MTMR14: variants seen among roughly 807,000 people sequenced by gnomAD.
MTMR14 encodes the protein phosphatidylinositol-3,5-bisphosphate 3-phosphatase MTMR14.
Under a neutral mutation model 86.3 loss-of-function variants are expected in MTMR14, and 48 were observed. That is an observed-to-expected ratio of 0.56 (90% CI 0.44 to 0.71). The LOEUF (loss-of-function observed/expected upper bound fraction) is 0.71, where lower values mean the gene tolerates loss of function less well. Ranked by LOEUF, MTMR14 falls within the 30% of genes least tolerant of loss-of-function variation. MTMR14 has a pLI of 0.00. For synonymous variants in MTMR14, 366 were observed against 326.1 expected (o/e 1.12, Z -1.32); for missense variants, 780 against 834.6 (o/e 0.93, Z 0.81).
chr3:9,662,927 T>C (rs914245008), intron 3 of MTMR14, among the ~76,000 whole-genome samples: 3 of 152,214 alleles, frequency 2.0e-5, no homozygotes, highest in Non-Finnish European at 4.4e-5. Flanking sequence ...TTTATCTATC[T>C]TTTGGTGTAC....
intron 3 of MTMR14, among the ~76,000 whole-genome samples, chr3:9,666,100 C>T (rs1212781127): frequency 6.7e-6 from 1 of 149,212 alleles, no homozygotes; most frequent in East Asian, 2.0e-4. Flanking sequence ...TGAAATGAGT[C>T]CACGTTTCCC....
intron 7 of MTMR14, among the ~76,000 whole-genome samples, chr3:9,674,609 C>T (rs2125165623): frequency 1.3e-5 from 2 of 151,770 alleles, no homozygotes; most frequent in Middle Eastern, 7.0e-3. Flanking sequence ...GAAACAGCGA[C>T]ACTCTGTCTC....
intron 6 of MTMR14, among the ~76,000 whole-genome samples, chr3:9,671,735 CAT>C (rs1347564704): frequency 1.3e-5 from 2 of 152,172 alleles, no homozygotes; most frequent in Non-Finnish European, 2.9e-5. Context: ...AAAAATAACA[CAT>C]ATGGACCAAA....
intron 1 of MTMR14, among the ~76,000 whole-genome samples, chr3:9,653,336 G>A (rs537674052): frequency 6.6e-6 from 1 of 152,198 alleles, no homozygotes. Context: ...ATGGGTTGTA[G>A]ACCTCTTTGA....
intron 9 of MTMR14, among the ~76,000 whole-genome samples, chr3:9,679,705 C>T (rs1474630538): frequency 6.6e-6 from 1 of 152,198 alleles, no homozygotes; most frequent in African/African-American, 2.4e-5. Flanking sequence ...GTACCTATTT[C>T]AGAGTTGTGC....
At chr3:9,680,493 C>T (rs1348147925) in intron 9 of MTMR14, among the ~76,000 whole-genome samples, 1 of 152,248 alleles carries the variant, frequency 6.6e-6, no homozygotes, top group Non-Finnish European at 1.5e-5. Context: ...AGAACTTGTA[C>T]ATGGCCTACC....
chr3:9,676,334 G>C (rs1191307041), intron 7 of MTMR14, among the ~76,000 whole-genome samples: 1 of 152,242 alleles, frequency 6.6e-6, no homozygotes, highest in African/African-American at 2.4e-5. Context: ...GATGCTCTCT[G>C]TGCTATAGTC....
chr3:9,664,108 G>A (rs1433890426), intron 3 of MTMR14, among the ~76,000 whole-genome samples: 1 of 151,842 alleles, frequency 6.6e-6, no homozygotes, highest in Non-Finnish European at 1.5e-5. Context: ...ATTTGAAAGA[G>A]TACCACCCTG....
intron 18 of MTMR14, among the ~76,000 whole-genome samples, chr3:9,698,286 G>T (rs1227932592): frequency 2.6e-5 from 4 of 152,048 alleles, no homozygotes; most frequent in Non-Finnish European, 5.9e-5. Context: ...AGAACCTAGG[G>T]TTACTTGCTG....
chr3:9,700,626 C>G (rs2076424998), intron 18 of MTMR14: 1 of 152,210 alleles, frequency 6.6e-6, no homozygotes, highest in African/African-American at 2.4e-5. Context: ...GAACACAGAT[C>G]TTTCTGGAAA....
chr3:9,683,204 A>G lies in MTMR14; in HGVS notation c.924A>G (p.Gln308=). 2 of 1,614,232 alleles carry G rather than the reference A, an allele frequency of 1.2e-6. No homozygotes were observed. Among genetic ancestry groups the G allele is most frequent in the Admixed American group, 3.3e-5 (2 of 60,030 alleles). The change falls in exon 10 of 19, where the codon CAA becomes CAG. Residue 308 remains glutamine (Q), a synonymous_variant. Coordinates refer to ENST00000296003, the MANE Select transcript of MTMR14 (RefSeq NM_001077525.3). The part of the protein sequence containing the change: ...YQCWDLVQQT[Q]NYLKLLLSLV... ...GTTGGGATCTGGTGCAACAAACACA[A>G]AACTACCTGAAGCTGCTGCTTTCCT... is the stretch of plus-strand genomic sequence containing the variant.
At chr3:9,684,329 C>T (rs1244397706) in intron 10 of MTMR14, among the ~76,000 whole-genome samples, 10 of 152,132 alleles carry the variant, frequency 6.6e-5, no homozygotes, top group Admixed American at 6.5e-5. Context: ...GCAAAGTGGA[C>T]TGTGTAGGCT....
chr3:9,669,350 G>A, intron 4 of MTMR14, 82 bp from the exon 5 acceptor site: 2 of 1,431,656 alleles, frequency 1.4e-6, no homozygotes, highest in Non-Finnish European at 1.9e-6. Context: ...TTGGCACTAT[G>A]GGGAAGGAGG....
At chr3:9,670,989 C>G in intron 5 of MTMR14, 59 bp from the exon 6 acceptor site, 1 of 1,610,638 alleles carries the variant, frequency 6.2e-7, no homozygotes, top group South Asian at 1.1e-5. Context: ...GAGTGCCCAC[C>G]CCCAAGCTCC....
intron 15 of MTMR14, 89 bp downstream of exon 15, chr3:9,688,843 TTG>T: frequency 6.2e-7 from 1 of 1,609,242 alleles, no homozygotes; most frequent in Non-Finnish European, 8.5e-7. Flanking sequence ...AAGAGGTTTT[TTG>T]TTTTTTTTTT....
intron 5 of MTMR14, among the ~76,000 whole-genome samples, chr3:9,669,815 GC>G (rs1026426643): frequency 2.6e-5 from 4 of 152,174 alleles, no homozygotes; most frequent in African/African-American, 9.7e-5. Flanking sequence ...CCACAGAGTT[GC>G]CAGTTTGCAG....
chr3:9,672,474 C>T (rs1423196925), intron 6 of MTMR14, among the ~76,000 whole-genome samples: 2 of 152,178 alleles, frequency 1.3e-5, no homozygotes, highest in Non-Finnish European at 2.9e-5. Flanking sequence ...GGGGTTTCTC[C>T]ATGTTGGGAA....
At chr3:9,700,630 C>G (rs1035112590) in intron 18 of MTMR14, 1 of 152,194 alleles carries the variant, frequency 6.6e-6, no homozygotes, top group Non-Finnish European at 1.5e-5. Flanking sequence ...ACAGATCTTT[C>G]TGGAAAAGCC....
rs370526025 is a variant in MTMR14, at chr3:9,671,123, C to T, written c.630C>T (p.Tyr210=). 14 of 1,614,092 alleles carry T rather than the reference C, an allele frequency of 8.7e-6. No individual in the cohort carries two copies. Among genetic ancestry groups the T allele is most frequent in the African/African-American group, 1.3e-5 (1 of 74,928 alleles). Residue 210 remains tyrosine (Y), a synonymous_variant, in exon 6 of 19, where the codon TAC becomes TAT. Coordinates refer to ENST00000296003, the MANE Select transcript of MTMR14 (RefSeq NM_001077525.3). ...TGCTTCGATACCTGTCAGTCAAATA[C>T]ATCTGTGACCTGATGGTGGAGAACA... ...IKLLRYLSVK[Y]ICDLMVENKK... is the part of the protein sequence containing the mutation.
Sources: gnomAD v4.1 joint callset for allele counts (sites outside exome capture counted in the v4.1 genomes callset) on GRCh38, gnomAD v4.1.1 for gene constraint, MANE v1.5 for transcripts, NCBI Gene and HGNC (gene_info 2026-07-23, HGNC 2026-07-21) for gene names.